Variants in PTPN5 observed in about 807,000 individuals in gnomAD.
PTPN5 encodes the protein tyrosine-protein phosphatase non-receptor type 5.
PTPN5 carries 29 observed loss-of-function variants against 73.9 expected under a neutral mutation model. That is an observed-to-expected ratio of 0.39 (90% confidence interval 0.29 to 0.54). The LOEUF (loss-of-function observed/expected upper bound fraction) is 0.54, where lower values mean the gene tolerates loss of function less well. Among genes scored for constraint, PTPN5 ranks in the 20% least tolerant of loss-of-function variants. The pLI is 0.65. For missense variants in PTPN5, 652 were observed against 751.4 expected (o/e 0.87, Z 1.55); for synonymous variants, 267 against 304.7 (o/e 0.88, Z 1.29).
chr11:18,777,393 T>C (rs1054665128), intron 1 of PTPN5, among the ~76,000 whole-genome samples: 5 of 152,142 alleles, frequency 3.3e-5, no homozygotes, highest in Non-Finnish European at 4.4e-5. Context: ...AGTTTTTACA[T>C]GAGATGCATG....
chr11:18,742,561 C>T lies in PTPN5; in HGVS notation c.484-58G>A, dbSNP rs1240589733. 7.5e-6 allele frequency: 12 copies of T among 1,594,588 alleles called. No homozygotes were observed. Among genetic ancestry groups the T allele is most frequent in the Admixed American group, 3.4e-5 (2 of 59,558 alleles). ...ACCACGCTGGCTGCCCCCCGTGTTC[C>T]TGGAGTGCCCATGGGATTGACGCCC... On this transcript the variant is annotated intron_variant, in intron 6 of 14. Coordinates refer to ENST00000358540, the MANE Select transcript of PTPN5 (RefSeq NM_006906.2). This position sits in a 1 kb window ranked among gnomAD's most constrained non-coding sequence, Gnocchi z 4.1.
At chr11:18,744,695 C>T (rs1849537235) in intron 3 of PTPN5, among the ~76,000 whole-genome samples, 2 of 152,292 alleles carry the variant, frequency 1.3e-5, no homozygotes, top group East Asian at 3.9e-4. Context: ...CATGTGCCCC[C>T]ACCCCATCTC....
intron 1 of PTPN5, among the ~76,000 whole-genome samples, chr11:18,788,409 C>G (rs1590632940): frequency 6.6e-6 from 1 of 152,154 alleles, no homozygotes; most frequent in Admixed American, 6.5e-5. Context: ...CCTCCATCCC[C>G]TTACCCAACC....
intron 4 of PTPN5, 103 bp from the exon 5 acceptor site, chr11:18,743,532 C>T: frequency 3.8e-6 from 4 of 1,045,114 alleles, no homozygotes; most frequent in South Asian, 2.6e-5. Flanking sequence ...CATGGAGGCT[C>T]CTGAACCTCT....
chr11:18,771,638 G>A (rs953762127), intron 2 of PTPN5, among the ~76,000 whole-genome samples: 2 of 152,180 alleles, frequency 1.3e-5, no homozygotes, highest in Non-Finnish European at 2.9e-5. Flanking sequence ...CCAAATGCAG[G>A]GTAGTGGCAG....
In PTPN5 at chr11:18,743,425, G is replaced by A. The variant is rs1849466516; in HGVS notation, c.296C>T (p.Ala99Val). The change falls in exon 5 of 15, where the codon GCC (alanine) becomes GTC (valine). Residue 99 changes from alanine (A) to valine (V), a missense_variant. By Grantham distance (64) the Ala-to-Val change is moderately conservative. This residue lies in a region of PTPN5 where 529 missense variants were observed against 573.9 expected (regional missense o/e 0.92). Transcript: ENST00000358540. The stretch of plus-strand genomic sequence containing the variant: ...ACCGCTGAACCAGAGCACCCCACAG[G>A]CAAGCTGGGGCACAGGGGAGCAGGC... ...CLFAASQFLL[A>V]CGVLWFSGYG... 6 of 1,614,052 alleles carry A rather than the reference G, an allele frequency of 3.7e-6. No individual in the cohort carries two copies. Among genetic ancestry groups the A allele is most frequent in the Non-Finnish European group, 5.1e-6 (6 of 1,179,942 alleles).
chr11:18,740,230 A>G (rs1204108458), intron 8 of PTPN5, among the ~76,000 whole-genome samples: 1 of 152,138 alleles, frequency 6.6e-6, no homozygotes, highest in African/African-American at 2.4e-5. Context: ...CAGAAGAACA[A>G]TGCTCGGCAG....
At chr11:18,731,127 T>C (rs1848852760) in intron 12 of PTPN5, among the ~76,000 whole-genome samples, 1 of 149,174 alleles carries the variant, frequency 6.7e-6, no homozygotes, top group Non-Finnish European at 1.5e-5. Flanking sequence ...CTTTTATACA[T>C]ATATATATAC....
chr11:18,766,664 G>A (rs55859106), intron 2 of PTPN5, among the ~76,000 whole-genome samples: 1 of 152,164 alleles, frequency 6.6e-6, no homozygotes, highest in East Asian at 1.9e-4. Context: ...CTGGAGATCA[G>A]CTAGACCCCA....
upstream of PTPN5, chr11:18,791,905 G>A (rs1021356814): frequency 1.3e-5 from 2 of 152,226 alleles, no homozygotes; most frequent in Non-Finnish European, 2.9e-5. Flanking sequence ...TGGCGGGGCG[G>A]GGGACCGGGA....
chr11:18,752,387 A>C (rs1413102033), intron 3 of PTPN5, among the ~76,000 whole-genome samples: 2 of 152,198 alleles, frequency 1.3e-5, no homozygotes, highest in African/African-American at 4.8e-5. Flanking sequence ...AGGGAGAGGC[A>C]GCAGTAAGGA....
Position 18,744,161 on chromosome 11 carries a change from C to T in PTPN5, c.136G>A (p.Ala46Thr), listed in dbSNP as rs976301605. Residue 46 changes from alanine (A) to threonine (T), a missense_variant, in exon 4 of 15, where the codon GCT becomes ACT. By Grantham distance (58) the Ala-to-Thr change is moderately conservative. Transcript: ENST00000358540. ...CTCTGTGAGTCCTGGAGCCCTTCAG[C>T]CTCGTCCAGTGCCTCCATCACTATC... ...QPIVMEALDE[A>T]EGLQDSQREM... is the part of the protein sequence containing the mutation. The T allele has an allele frequency of 1.3e-6, 2 of 1,589,796 alleles. No individual in the cohort carries two copies. The highest frequency in any genetic ancestry group is 1.7e-6 in the Non-Finnish European group (2 of 1,170,736).
chr11:18,736,228 A>G (rs1311016865), intron 9 of PTPN5, among the ~76,000 whole-genome samples: 1 of 152,222 alleles, frequency 6.6e-6, no homozygotes, highest in Non-Finnish European at 1.5e-5. Context: ...GCTTGAGGCC[A>G]GAAGTTTGAG....
chr11:18,728,707 A>T lies in PTPN5; in HGVS notation c.*227T>A. On this transcript the variant is annotated 3_prime_UTR_variant, in exon 15 of 15. Transcript: ENST00000358540. The surrounding 1 kb of genome is among the most constrained non-coding windows in gnomAD (Gnocchi z 4.1). ...GGTGTGGGTCAGGCCCCGGGGCCCC[A>T]GGCCTGGCCTGGCATGTCCCTTCCC... 1 of 478,996 alleles carries T rather than the reference A, an allele frequency of 2.1e-6. No individual in the cohort carries two copies. Among genetic ancestry groups the T allele is most frequent in the Non-Finnish European group, 3.7e-6 (1 of 273,584 alleles). The allele number at this position is 478,996 out of a possible 1,614,324, so 29.7% of individuals were successfully genotyped here. A position where few individuals can be genotyped will look rare whatever the true frequency, so the allele number is the denominator to read the frequency against.
chr11:18,758,928 A>G (rs1294720617), intron 3 of PTPN5, among the ~76,000 whole-genome samples: 3 of 152,174 alleles, frequency 2.0e-5, no homozygotes, highest in African/African-American at 7.2e-5. Context: ...CTAGAATATG[A>G]GAACTGTTTC....
chr11:18,743,055 C>T lies in PTPN5; in HGVS notation c.420G>A (p.Thr140=), dbSNP rs148556134. 442 of 1,551,278 alleles carry T rather than the reference C, an allele frequency of 2.8e-4. No individual in the cohort carries two copies. The highest frequency in any genetic ancestry group is 3.3e-4 in the Non-Finnish European group (375 of 1,146,688). ...CCAGCAGCAGACTGGGGACTCCCCA[C>T]GTCCCAGAGTCAAGCCAGGCCTGGG... The part of the protein sequence containing the change: ...LEPTAWLDSG[T]WGVPSLLLVF... The change falls in exon 6 of 15, where the codon ACG becomes ACA. Residue 140 remains threonine, a synonymous_variant. Coordinates refer to ENST00000358540, the MANE Select transcript of PTPN5 (RefSeq NM_006906.2).
intron 3 of PTPN5, among the ~76,000 whole-genome samples, chr11:18,759,275 G>A (rs1362268838): frequency 6.6e-6 from 1 of 152,266 alleles, no homozygotes; most frequent in African/African-American, 2.4e-5. Flanking sequence ...AGCACTTTAC[G>A]TCCATGAACT....
At chr11:18,735,386 T>C (rs1389166238) in intron 9 of PTPN5, among the ~76,000 whole-genome samples, 1 of 152,060 alleles carries the variant, frequency 6.6e-6, no homozygotes, top group Non-Finnish European at 1.5e-5. Context: ...AAGCTCTGTA[T>C]GGGCCGTCTC....
At chr11:18,759,622 A>G (rs1850302651) in intron 3 of PTPN5, among the ~76,000 whole-genome samples, 1 of 152,228 alleles carries the variant, frequency 6.6e-6, no homozygotes, top group African/African-American at 2.4e-5. Context: ...TTATACTTTA[A>G]TTATCCATTC....
Sources: allele counts gnomAD v4.1 joint callset (sites outside exome capture counted in the v4.1 genomes callset), GRCh38; gene constraint gnomAD v4.1.1; regional missense constraint gnomAD v4.1.1; non-coding constraint Gnocchi (gnomAD v3.1); transcripts MANE v1.5; gene names NCBI Gene and HGNC (gene_info 2026-07-23, HGNC 2026-07-21).